ZNG1F: variants seen among roughly 807,000 people sequenced by gnomAD.
The protein encoded by ZNG1F is Zn regulated GTPase metalloprotein activator 1F.
the ZNG1F span, among the ~76,000 whole-genome samples, chr9:41,169,306 T>G: frequency 1.3e-5 from 2 of 151,442 alleles, no homozygotes; most frequent in African/African-American, 2.4e-5. Flanking sequence ...ATTTGGTCAT[T>G]AAGTCAGATG....
the ZNG1F span, among the ~76,000 whole-genome samples, chr9:41,147,679 GA>G: frequency 0.019 from 1,620 of 84,992 alleles, 143 homozygotes; most frequent in African/African-American, 0.073. Context: ...TCTCCAAGGG[GA>G]AAAAAAAAAA....
chr9:41,150,428 G>A, the ZNG1F span, among the ~76,000 whole-genome samples: 2 of 137,214 alleles, frequency 1.5e-5, no homozygotes, highest in South Asian at 2.4e-4. Flanking sequence ...GCTTGCTTAG[G>A]TAAACAAAGC....
chr9:41,174,312 C>A, the ZNG1F span: 3 of 1,593,720 alleles, frequency 1.9e-6, no homozygotes, highest in Non-Finnish European at 2.6e-6. Context: ...AAATATCACT[C>A]CCTAATTCGG....
At chr9:41,156,033 T>A in the ZNG1F span, among the ~76,000 whole-genome samples, 3 of 109,438 alleles carry the variant, frequency 2.7e-5, no homozygotes, top group Admixed American at 9.9e-5. Flanking sequence ...AATAAAAAAA[T>A]AAAGTGAAGA....
the ZNG1F span, chr9:41,157,534 TTAAAGAAAA>T: frequency 1.4e-5 from 2 of 142,620 alleles, no homozygotes; most frequent in Non-Finnish European, 3.1e-5. Flanking sequence ...GAAGAAATAT[TTAAAGAAAA>T]TGACAAATGT....
At chr9:41,148,642 CT>C in the ZNG1F span, among the ~76,000 whole-genome samples, 1 of 139,734 alleles carries the variant, frequency 7.2e-6, no homozygotes, top group Non-Finnish European at 1.5e-5. Context: ...GGAGGAATAA[CT>C]GCCCTGCCTG....
chr9:41,132,265 C>G, the ZNG1F span: 1 of 1,604,356 alleles, frequency 6.2e-7, no homozygotes, highest in African/African-American at 1.4e-5. Context: ...CAGTGTCATC[C>G]TTCCAGCTCA....
At chr9:41,183,164 C>T in the ZNG1F span, among the ~76,000 whole-genome samples, 1 of 138,936 alleles carries the variant, frequency 7.2e-6, no homozygotes, top group Non-Finnish European at 1.5e-5. Context: ...TGATCACTGT[C>T]CTTGGAAACT....
chr9:41,165,212 A>G, the ZNG1F span: 11 of 824,166 alleles, frequency 1.3e-5, no homozygotes, highest in Middle Eastern at 3.9e-4. Flanking sequence ...GTAGATCAAT[A>G]TATCAGTTAA....
At chr9:41,193,467 A>T in the ZNG1F span, among the ~76,000 whole-genome samples, 2 of 116,180 alleles carry the variant, frequency 1.7e-5, no homozygotes, top group Non-Finnish European at 4.2e-5. Context: ...TCAAACTAAA[A>T]CTTTAAAAAA....
the ZNG1F span, among the ~76,000 whole-genome samples, chr9:41,146,209 C>A: frequency 6.9e-6 from 1 of 144,542 alleles, no homozygotes; most frequent in African/African-American, 2.6e-5. Flanking sequence ...ACAAAAAAGT[C>A]ATGCAATGGC....
the ZNG1F span, among the ~76,000 whole-genome samples, chr9:41,141,459 CTTT>C: frequency 2.2e-5 from 3 of 137,990 alleles, no homozygotes; most frequent in Non-Finnish European, 4.7e-5. Flanking sequence ...CCATTTCAGA[CTTT>C]TTTTTTCCAG....
chr9:41,132,184 T>A, the ZNG1F span: 1 of 1,592,376 alleles, frequency 6.3e-7, no homozygotes. Context: ...CTTTCAAATA[T>A]ATTTTTCACT....
chr9:41,133,461 CAAG>C, the ZNG1F span: 1 of 891,022 alleles, frequency 1.1e-6, no homozygotes, highest in Admixed American at 2.9e-5. Flanking sequence ...TTATAACAGC[CAAG>C]AAAAGGACTT....
chr9:41,144,424 C>T, the ZNG1F span, among the ~76,000 whole-genome samples: 5 of 123,474 alleles, frequency 4.0e-5, no homozygotes, highest in East Asian at 2.6e-4. Flanking sequence ...TCTCCAAGGA[C>T]TTGTATTTCT....
At chr9:41,132,073 C>T in the ZNG1F span, 76 of 1,530,820 alleles carry the variant, frequency 5.0e-5, 5 homozygotes, top group East Asian at 2.5e-4. Flanking sequence ...CAAGCTTTTA[C>T]GAACATTGTA....
the ZNG1F span, among the ~76,000 whole-genome samples, chr9:41,141,918 G>T: frequency 1.5e-5 from 2 of 131,284 alleles, no homozygotes; most frequent in East Asian, 2.4e-4. Flanking sequence ...GTCAATCTAG[G>T]CTTGTTTCCC....
the ZNG1F span, chr9:41,165,112 G>A: frequency 2.6e-6 from 4 of 1,554,284 alleles, no homozygotes; most frequent in Non-Finnish European, 3.5e-6. Flanking sequence ...AAAAAGAAAT[G>A]TTAAGAAATT....
the ZNG1F span, among the ~76,000 whole-genome samples, chr9:41,180,168 C>CTTTT: frequency 4.5e-3 from 75 of 16,794 alleles, 1 homozygote; most frequent in Non-Finnish European, 6.0e-3. Context: ...ATAAACACAG[C>CTTTT]TTTTTTTTTT....
Sources: gnomAD v4.1 joint callset for allele counts (sites outside exome capture counted in the v4.1 genomes callset) on GRCh38, gnomAD v4.1.1 for gene constraint, MANE v1.5 for transcripts, NCBI Gene and HGNC (gene_info 2026-07-23, HGNC 2026-07-21) for gene names.